The following NDST4 variants were observed in gnomAD, a reference collection of about 807,000 sequenced individuals.
NDST4 encodes the protein N-heparan sulfate sulfotransferase 4.
NDST4 carries 63 observed loss-of-function variants against 100.8 expected under a neutral mutation model. The observed-to-expected ratio is 0.62, with a 90% confidence interval of 0.51 to 0.77. The LOEUF is 0.77. NDST4 is among the 30% of genes least tolerant of loss of function. The probability of loss-of-function intolerance (pLI) is 0.00; values close to 1 mark genes in which losing one functional copy is unlikely to be tolerated. For synonymous variants in NDST4, 377 were observed against 361.8 expected, an observed-to-expected ratio of 1.04 and a Z score of -0.48; for missense variants, 943 against 1,018.4, an observed-to-expected ratio of 0.93 and a Z score of 1.01.
chr4:114,869,264 C>T (rs960209176), intron 7 of NDST4, among the ~76,000 whole-genome samples: 2 of 151,536 alleles, frequency 1.3e-5, no homozygotes, highest in African/African-American at 4.8e-5. Context: ...AAAAGTTTTT[C>T]CTTTTTTCTA....
Position 114,827,784 on chromosome 4 carries a change from T to C in NDST4, c.*32A>G, listed in dbSNP as rs1383440753. ...TTTATTTTTTTTTTAACACTAAAAG[T>C]ATCTTGAGAGGCTTAGTTCTTGTCT... On this transcript the variant is annotated 3_prime_UTR_variant, in exon 14 of 14. Transcript: ENST00000264363. The C allele has an allele frequency of 6.3e-7, 1 of 1,596,836 alleles. No homozygotes were observed. The highest frequency in any genetic ancestry group is 8.5e-7 in the Non-Finnish European group (1 of 1,175,192).
chr4:114,986,832 A>ATATATATATATATATATATATATTTTT, intron 2 of NDST4, among the ~76,000 whole-genome samples: 4 of 94,654 alleles, frequency 4.2e-5, no homozygotes, highest in East Asian at 3.6e-4. Flanking sequence ...ATATATATAT[A>ATATATATATATATATATATATATTTTT]TTTTAATATA....
chr4:114,850,186 G>C (rs938785876), intron 8 of NDST4, among the ~76,000 whole-genome samples: 1 of 152,124 alleles, frequency 6.6e-6, no homozygotes, highest in Non-Finnish European at 1.5e-5. Flanking sequence ...GCAGGGCACA[G>C]ATAAAAATAT....
intron 2 of NDST4, among the ~76,000 whole-genome samples, chr4:115,022,200 G>A (rs61545383): frequency 0.23 from 27,457 of 119,972 alleles, 3,184 homozygotes; most frequent in South Asian, 0.37. Context: ...ATATATACAC[G>A]TTCCACGTCT....
intron 4 of NDST4, among the ~76,000 whole-genome samples, chr4:114,959,111 T>C (rs1280797164): frequency 6.6e-6 from 1 of 152,174 alleles, no homozygotes; most frequent in Non-Finnish European, 1.5e-5. Context: ...CTCATTTCCA[T>C]CTGAGACCAC....
chr4:114,832,048 A>G (rs2126179992), intron 12 of NDST4, among the ~76,000 whole-genome samples: 1 of 152,296 alleles, frequency 6.6e-6, no homozygotes, highest in Admixed American at 6.5e-5. Flanking sequence ...ACTTGTTTGT[A>G]ATCTCTCCTT....
At chr4:114,926,251 G>T (rs182789732) in intron 6 of NDST4, among the ~76,000 whole-genome samples, 2 of 152,182 alleles carry the variant, frequency 1.3e-5, no homozygotes, top group African/African-American at 4.8e-5. Context: ...GACAGATGTC[G>T]AAGTATGCTT....
In NDST4 at chr4:114,845,905, C is replaced by A; in HGVS notation, c.2033G>T (p.Arg678Ile). 6.2e-7 allele frequency: 1 copy of A among 1,614,018 alleles called. No homozygotes were observed. The highest frequency in any genetic ancestry group is 1.1e-5 in the South Asian group (1 of 91,090). ...TTTGGGGACAAGAGATGCGGCTCGTCTTGGAGCTTCTTCCGAATGGAAGTA... is the reference window on the plus strand; with the variant it reads ...TTTGGGGACAAGAGATGCGGCTCGTATTGGAGCTTCTTCCGAATGGAAGTA... ...ANYFHSEEAP[R>I]RAASLVPKAK... The change falls in exon 10 of 14, where the codon AGA (arginine) becomes ATA (isoleucine). Residue 678 changes from arginine (R) to isoleucine (I), a missense_variant. Coordinates refer to ENST00000264363, the MANE Select transcript of NDST4 (RefSeq NM_022569.3).
intron 2 of NDST4, among the ~76,000 whole-genome samples, chr4:114,983,864 G>C (rs1022696280): frequency 6.6e-6 from 1 of 152,128 alleles, no homozygotes; most frequent in East Asian, 1.9e-4. Context: ...CATGAGGGTG[G>C]TTTCTAATGG....
At chr4:115,004,943 T>G (rs1727381203) in intron 2 of NDST4, among the ~76,000 whole-genome samples, 1 of 152,216 alleles carries the variant, frequency 6.6e-6, no homozygotes, top group Non-Finnish European at 1.5e-5. Flanking sequence ...TTTTTCAACA[T>G]TCATGATAGG....
chr4:114,913,339 T>G (rs905338287), intron 6 of NDST4, among the ~76,000 whole-genome samples: 1 of 151,992 alleles, frequency 6.6e-6, no homozygotes, highest in African/African-American at 2.4e-5. Flanking sequence ...ATGAAAAAAA[T>G]AACTTTCTAA....
intron 6 of NDST4, among the ~76,000 whole-genome samples, chr4:114,871,163 C>T (rs1724141723): frequency 6.6e-6 from 1 of 152,132 alleles, no homozygotes; most frequent in South Asian, 2.1e-4. Context: ...GTCATTTCCT[C>T]ACTGTTCTTC....
chr4:114,918,995 C>G (rs528121184), intron 6 of NDST4, among the ~76,000 whole-genome samples: 1 of 152,230 alleles, frequency 6.6e-6, no homozygotes, highest in South Asian at 2.1e-4. Context: ...ACAAATACTT[C>G]AGGTATATGC....
chr4:114,870,984 C>A, intron 6 of NDST4, 34 bp from the exon 7 acceptor site: 1 of 1,556,060 alleles, frequency 6.4e-7, no homozygotes, highest in Non-Finnish European at 8.7e-7. Flanking sequence ...ACAAAAATAT[C>A]ATATGCTTAA....
chr4:115,096,116 T>C (rs989425250), intron 1 of NDST4, among the ~76,000 whole-genome samples: 7 of 151,328 alleles, frequency 4.6e-5, no homozygotes, highest in Admixed American at 2.0e-4. Context: ...TATTTCATGA[T>C]GTACATTTTT....
At chr4:114,929,113 C>CATCATCTATCT (rs1578395038) in intron 6 of NDST4, among the ~76,000 whole-genome samples, 1 of 117,392 alleles carries the variant, frequency 8.5e-6, no homozygotes, top group East Asian at 2.5e-4. Context: ...TCCATCCATC[C>CATCATCTATCT]ATCTATCTAT....
intron 4 of NDST4, among the ~76,000 whole-genome samples, chr4:114,965,393 T>C (rs890931843): frequency 1.3e-5 from 2 of 152,102 alleles, no homozygotes; most frequent in African/African-American, 4.8e-5. Context: ...ATAGTGTCTC[T>C]TTAATAGATT....
chr4:114,959,624 A>T (rs1229478108), intron 4 of NDST4, among the ~76,000 whole-genome samples: 1 of 152,160 alleles, frequency 6.6e-6, no homozygotes. Flanking sequence ...ACAATTCAAG[A>T]CAAGATTTGG....
intron 1 of NDST4, among the ~76,000 whole-genome samples, chr4:115,109,422 C>G (rs72900685): frequency 2.6e-5 from 4 of 151,740 alleles, no homozygotes; most frequent in African/African-American, 9.7e-5. Context: ...AGCATGTGGC[C>G]GCACATAAAA....
Sources: gnomAD v4.1 joint callset for allele counts (sites outside exome capture counted in the v4.1 genomes callset) on GRCh38, gnomAD v4.1.1 for gene constraint, MANE v1.5 for transcripts, NCBI Gene and HGNC (gene_info 2026-07-23, HGNC 2026-07-21) for gene names.